PRDM16: variants seen among roughly 807,000 people sequenced by gnomAD.
PRDM16 encodes PR/SET domain 16, also known as histone-lysine N-methyltransferase PRDM16.
Under a neutral mutation model 110.6 loss-of-function variants are expected in PRDM16, and 23 were observed. The ratio of observed to expected loss-of-function variants is 0.21; its 90% CI spans 0.15 to 0.29. PRDM16 has a LOEUF of 0.29. Among genes scored for constraint, PRDM16 ranks in the 10% least tolerant of loss-of-function variants. The pLI is 1.00. For missense variants in PRDM16, 1,615 were observed against 1,794.3 expected, an observed-to-expected ratio of 0.90 and a Z score of 1.81; for synonymous variants, 799 against 781.8, an observed-to-expected ratio of 1.02 and a Z score of -0.37.
intron 1 of PRDM16, among the ~76,000 whole-genome samples, chr1:3,125,433 C>T (rs1643184525): frequency 2.0e-5 from 3 of 152,352 alleles, no homozygotes; most frequent in South Asian, 2.1e-4. Flanking sequence ...CCACTGTCAT[C>T]GCCAGGGCAC....
chr1:3,434,944 C>T lies in PRDM16; in HGVS notation c.*1133C>T. ...TGGGGAGCAATCCCAGCGGATCGCT[C>T]CGGGCCACCAAGCCGCACCTGTGCC... On this transcript the variant is annotated 3_prime_UTR_variant, in exon 17 of 17. Transcript: ENST00000270722. The T allele has an allele frequency of 8.7e-6, 2 of 230,532 alleles. No homozygotes were observed. Among genetic ancestry groups the T allele is most frequent in the Non-Finnish European group, 1.7e-5 (2 of 116,268 alleles). The allele number at this position is 230,532 out of a possible 1,614,324, so 14.3% of individuals were successfully genotyped here.
intron 8 of PRDM16, among the ~76,000 whole-genome samples, chr1:3,409,290 C>T (rs1643628146): frequency 6.6e-6 from 1 of 151,872 alleles, no homozygotes. Flanking sequence ...GGCTGAGTGC[C>T]TCCCCGAGGG....
rs540077240 is a variant in PRDM16, at chr1:3,243,465, G to A, written c.388-622G>A. On this transcript the variant is annotated intron_variant, in intron 2 of 16. Transcript: ENST00000270722. The surrounding 1 kb of genome is among the most constrained non-coding windows in gnomAD (Gnocchi z 5.5). Reference sequence around the variant, plus strand: ...GCCACCCTTCCGCAGGGCGTTGGCCGACCTCTGCCCCTGCCTCTGGCCGCC... The same window carrying A: ...GCCACCCTTCCGCAGGGCGTTGGCCAACCTCTGCCCCTGCCTCTGGCCGCC... Among the ~76,000 whole-genome samples the A allele has an allele frequency of 1.6e-4, 24 of 151,942 alleles. No individual in the cohort carries two copies. Among genetic ancestry groups the A allele is most frequent in the African/African-American group, 4.3e-4 (18 of 41,456 alleles).
At chr1:3,240,021 AGAGAAGAGGAGAG>A (rs1321248840) in intron 2 of PRDM16, among the ~76,000 whole-genome samples, 1 of 138,846 alleles carries the variant, frequency 7.2e-6, no homozygotes, top group South Asian at 2.6e-4. Flanking sequence ...ATGGAGAGAG[AGAGAAGAGGAGAG>A]GAGAAGAGGA....
At chr1:3,079,251 G>A (rs1180050662) in intron 1 of PRDM16, among the ~76,000 whole-genome samples, 2 of 152,336 alleles carry the variant, frequency 1.3e-5, no homozygotes, top group South Asian at 2.1e-4. Context: ...GCATCTCTCC[G>A]CAGTGGTGGC....
chr1:3,344,283 C>T (rs1642323942), intron 3 of PRDM16, among the ~76,000 whole-genome samples: 1 of 152,128 alleles, frequency 6.6e-6, no homozygotes, highest in South Asian at 2.1e-4. Context: ...CACTGCCCTC[C>T]AGCCTGGATA....
At chr1:3,114,443 G>GCACACGCACA (rs1272452733) in intron 1 of PRDM16, among the ~76,000 whole-genome samples, 1 of 115,046 alleles carries the variant, frequency 8.7e-6, no homozygotes, top group African/African-American at 4.3e-5. Flanking sequence ...GTAAACAGAC[G>GCACACGCACA]CACACGCACA....
chr1:3,177,702 C>G (rs973370968), intron 1 of PRDM16, among the ~76,000 whole-genome samples: 1 of 152,228 alleles, frequency 6.6e-6, no homozygotes, highest in African/African-American at 2.4e-5. Flanking sequence ...ATTCTAGAAT[C>G]GAACAGCTGT....
At chr1:3,116,805 G>A (rs897896230) in intron 1 of PRDM16, among the ~76,000 whole-genome samples, 1 of 152,194 alleles carries the variant, frequency 6.6e-6, no homozygotes, top group Non-Finnish European at 1.5e-5. Flanking sequence ...CCCCGCTGGT[G>A]ACTTGGTGGA....
intron 2 of PRDM16, chr1:3,238,101 G>T (rs575138749): frequency 1.3e-5 from 2 of 152,410 alleles, no homozygotes; most frequent in East Asian, 3.9e-4. Context: ...GGAAGGTAGG[G>T]CTTAGGGGCC....
At position 3,390,834 on chromosome 1, in the gene PRDM16, G is replaced by T. The variant is rs1419572810; in HGVS notation, c.573+5548G>T. 1.2e-4 allele frequency among the ~76,000 whole-genome samples: 15 copies of T among 125,684 alleles called. No individual in the cohort carries two copies. The highest frequency in any genetic ancestry group is 1.6e-4 in the Non-Finnish European group (10 of 60,880). The allele number at this position is 125,684 out of a possible 152,430, so 82.5% of individuals were successfully genotyped here. On this transcript the variant is annotated intron_variant, in intron 4 of 16. Transcript: ENST00000270722. The surrounding 1 kb of genome is among the most constrained non-coding windows in gnomAD (Gnocchi z 5.0). Reference sequence around the variant, plus strand: ...CCTTTGCTTTTATCTCTCACAGTGTGTTTTTTTTTTTTTTTTTTTAGACAG... The same window carrying T: ...CCTTTGCTTTTATCTCTCACAGTGTTTTTTTTTTTTTTTTTTTTTAGACAG...
chr1:3,181,880 G>A (rs61759175), intron 1 of PRDM16, among the ~76,000 whole-genome samples: 4,418 of 46,450 alleles, frequency 0.095, 152 homozygotes, highest in Admixed American at 0.14. Flanking sequence ...ACACGGTCTT[G>A]CACACGCAGT....
chr1:3,210,201 C>A (rs923370930), intron 2 of PRDM16, among the ~76,000 whole-genome samples: 1 of 152,214 alleles, frequency 6.6e-6, no homozygotes, highest in Non-Finnish European at 1.5e-5. Context: ...GGGCAGCCAG[C>A]CTGCACTCAC....
At chr1:3,391,305 G>T (rs944676028) in intron 4 of PRDM16, among the ~76,000 whole-genome samples, 12 of 152,182 alleles carry the variant, frequency 7.9e-5, no homozygotes, top group African/African-American at 1.7e-4. Context: ...ATACATGCAG[G>T]TTGCTTTGAT....
Position 3,433,927 on chromosome 1 carries a change from C to A in PRDM16, c.*116C>A. ...CGTGTGGCCACTCCTCAGCATCCTC[C>A]CCACCCACCATGGTTCATTCCGACT... On this transcript the variant is annotated 3_prime_UTR_variant, in exon 17 of 17. Transcript: ENST00000270722. The A allele has an allele frequency of 1.9e-6, 2 of 1,026,592 alleles. No homozygotes were observed. Among genetic ancestry groups the A allele is most frequent in the Non-Finnish European group, 2.8e-6 (2 of 712,564 alleles). The allele number at this position is 1,026,592 out of a possible 1,614,324, so 63.6% of individuals were successfully genotyped here. A position where few individuals can be genotyped will look rare whatever the true frequency, so the allele number is the denominator to read the frequency against.
chr1:3,090,367 G>A (rs1642247943), intron 1 of PRDM16, among the ~76,000 whole-genome samples: 1 of 152,250 alleles, frequency 6.6e-6, no homozygotes, highest in Non-Finnish European at 1.5e-5. Context: ...CTCGTGAGAA[G>A]CGCCACATGG....
At chr1:3,218,608 T>TC (rs1569864863) in intron 2 of PRDM16, among the ~76,000 whole-genome samples, 1 of 152,222 alleles carries the variant, frequency 6.6e-6, no homozygotes, top group Non-Finnish European at 1.5e-5. Context: ...AAAGGGATGT[T>TC]CTCTGCCTTC....
intron 3 of PRDM16, among the ~76,000 whole-genome samples, chr1:3,253,030 C>A (rs917413542): frequency 1.3e-5 from 2 of 152,102 alleles, no homozygotes; most frequent in Non-Finnish European, 2.9e-5. Flanking sequence ...CGAGCCTGCG[C>A]GCTGCTGCTG....
chr1:3,386,245 AAG>A (rs112667507), intron 4 of PRDM16, among the ~76,000 whole-genome samples: 37,096 of 151,518 alleles, frequency 0.24, 5,751 homozygotes, highest in East Asian at 0.6. Context: ...TTTGAAAAAA[AAG>A]AAAAGGATCC....
Sources: allele counts gnomAD v4.1 joint callset (sites outside exome capture counted in the v4.1 genomes callset), GRCh38; gene constraint gnomAD v4.1.1; non-coding constraint Gnocchi (gnomAD v3.1); transcripts MANE v1.5; gene names NCBI Gene and HGNC (gene_info 2026-07-23, HGNC 2026-07-21).